The following KCNH8 variants were observed in gnomAD, a reference collection of about 807,000 sequenced individuals.
KCNH8 encodes the protein voltage-gated delayed rectifier potassium channel KCNH8.
KCNH8 carries 70 observed loss-of-function variants against 103.6 expected under a neutral mutation model. The ratio of observed to expected loss-of-function variants is 0.68; its 90% CI spans 0.56 to 0.82. The LOEUF is 0.82. Ranked by LOEUF, KCNH8 falls within the 40% of genes least tolerant of loss-of-function variation. The probability of loss-of-function intolerance (pLI) is 0.00; values close to 1 mark genes in which losing one functional copy is unlikely to be tolerated. For synonymous variants in KCNH8, 498 were observed against 489.4 expected, an observed-to-expected ratio of 1.02 and a Z score of -0.23; for missense variants, 1,217 against 1,329.9, an observed-to-expected ratio of 0.92 and a Z score of 1.32.
Position 19,515,738 on chromosome 3 carries a change from T to C in KCNH8, c.2542+310T>C, listed in dbSNP as rs143995901. ...CATGTTTTACTATTATAAATTTAGATTAATCCATAAAAACATTATCTAGAG... is the reference window on the plus strand; with the variant it reads ...CATGTTTTACTATTATAAATTTAGACTAATCCATAAAAACATTATCTAGAG... On this transcript the variant is annotated intron_variant, in intron 14 of 15. Coordinates refer to ENST00000328405, the MANE Select transcript of KCNH8 (RefSeq NM_144633.3). Among the ~76,000 whole-genome samples, 780 of 152,156 alleles carry C rather than the reference T, an allele frequency of 5.1e-3. 5 individuals are homozygous for C. Among genetic ancestry groups the C allele is most frequent in the African/African-American group, 0.018 (729 of 41,538 alleles).
intron 7 of KCNH8, among the ~76,000 whole-genome samples, chr3:19,434,866 A>C (rs1216191194): frequency 3.9e-5 from 6 of 152,084 alleles, no homozygotes; most frequent in Admixed American, 3.3e-4. Flanking sequence ...TTTCCCACTA[A>C]AGTGGGAAGT....
chr3:19,288,181 C>CTTTTTTTTTTTCTT (rs2064861256), intron 3 of KCNH8, among the ~76,000 whole-genome samples: 6 of 38,176 alleles, frequency 1.6e-4, no homozygotes, highest in African/African-American at 5.8e-4. Context: ...TATCAAACTT[C>CTTTTTTTTTTTCTT]TTTTTTTTTT....
intron 2 of KCNH8, among the ~76,000 whole-genome samples, chr3:19,269,022 G>C (rs573903583): frequency 3.3e-5 from 5 of 152,242 alleles, no homozygotes; most frequent in East Asian, 1.9e-4. Flanking sequence ...ACTTCGTTGT[G>C]TGTATAGATA....
At position 19,422,781 on chromosome 3, in the gene KCNH8, C is replaced by T. The variant is rs142442472; in HGVS notation, c.1178-15383C>T. On this transcript the variant is annotated intron_variant, in intron 7 of 15. Coordinates refer to ENST00000328405, the MANE Select transcript of KCNH8 (RefSeq NM_144633.3). Reference sequence around the variant, plus strand: ...ATAATCCCTATGTTCACAAAGCAGTCGGCCTAGTATTACCTATAGGCAGAT... The same window carrying T: ...ATAATCCCTATGTTCACAAAGCAGTTGGCCTAGTATTACCTATAGGCAGAT... Among the ~76,000 whole-genome samples the T allele has an allele frequency of 8.5e-5, 13 of 152,146 alleles. No homozygotes were observed. The East Asian group carries it at 1.3e-3, about 16-fold the overall frequency.
chr3:19,511,048 G>A (rs2125241244), intron 12 of KCNH8, among the ~76,000 whole-genome samples: 1 of 152,248 alleles, frequency 6.6e-6, no homozygotes, highest in Admixed American at 6.5e-5. Context: ...AGAATGTTCA[G>A]TTTTGTTACA....
chr3:19,423,652 G>A (rs2066983793), intron 7 of KCNH8, among the ~76,000 whole-genome samples: 1 of 151,800 alleles, frequency 6.6e-6, no homozygotes, highest in African/African-American at 2.4e-5. Context: ...GTGTGTGTGT[G>A]TGTGTCACAT....
intron 1 of KCNH8, among the ~76,000 whole-genome samples, chr3:19,226,643 A>ACACACACACACACACACC (rs2063935803): frequency 6.6e-6 from 1 of 151,318 alleles, no homozygotes; most frequent in African/African-American, 2.4e-5. Context: ...ACACACACAC[A>ACACACACACACACACACC]CGGGAAAATT....
chr3:19,479,423 A>G (rs1214401073), intron 11 of KCNH8, among the ~76,000 whole-genome samples: 1 of 152,210 alleles, frequency 6.6e-6, no homozygotes, highest in Non-Finnish European at 1.5e-5. Flanking sequence ...TTACACAACA[A>G]GCAAAGGAAA....
At position 19,513,333 on chromosome 3, in the gene KCNH8, TTCATA is replaced by T. The variant is rs780242180; in HGVS notation, c.2435+15_2435+19del. ...CCCAGACCTCAGTCCAAGGTAAGAGTTCATATCATATAACTTTCTCACGTGAACGT... is the reference window on the plus strand; with the variant it reads ...CCCAGACCTCAGTCCAAGGTAAGAGTTCATATAACTTTCTCACGTGAACGT... On this transcript the variant is annotated intron_variant, in intron 13 of 15. Transcript: ENST00000328405. The T allele has an allele frequency of 7.0e-6, 11 of 1,572,622 alleles. No homozygotes were observed. Among genetic ancestry groups the T allele is most frequent in the South Asian group, 3.6e-5 (3 of 83,438 alleles).
rs540752455 is a variant in KCNH8 at position 19,503,923 on chromosome 3, T to TATA, written c.2041-6420_2041-6418dup. On this transcript the variant is annotated intron_variant, in intron 11 of 15. Coordinates refer to ENST00000328405, the MANE Select transcript of KCNH8 (RefSeq NM_144633.3). The stretch of plus-strand genomic sequence containing the variant: ...TGCACAGGTACCCTAAAACTTAAAG[T>TATA]ATAATAATAATAATAATAATAAAGA... Among the ~76,000 whole-genome samples, 561 of 150,778 alleles carry TATA rather than the reference T, an allele frequency of 3.7e-3. 5 individuals carry two copies. The highest frequency in any genetic ancestry group is 0.01 in the African/African-American group (412 of 41,182).
chr3:19,399,736 T>C (rs1341211959), intron 7 of KCNH8, among the ~76,000 whole-genome samples: 1 of 151,986 alleles, frequency 6.6e-6, no homozygotes, highest in African/African-American at 2.4e-5. Context: ...TCCAGCCACC[T>C]GTTCAAACTT....
intron 5 of KCNH8, among the ~76,000 whole-genome samples, chr3:19,358,679 A>T (rs1006248778): frequency 2.6e-5 from 4 of 152,008 alleles, no homozygotes; most frequent in Non-Finnish European, 5.9e-5. Context: ...AAGGTGTTTT[A>T]TGTTTTTTAA....
At chr3:19,480,217 T>G (rs368161644) in intron 11 of KCNH8, among the ~76,000 whole-genome samples, 60 of 152,334 alleles carry the variant, frequency 3.9e-4, no homozygotes, top group African/African-American at 1.4e-3. Context: ...CTGCGATGTT[T>G]GCTTCTTTCC....
intron 2 of KCNH8, among the ~76,000 whole-genome samples, chr3:19,258,947 C>CTCTCTCTCTATATATATA (rs1321918245): frequency 3.6e-4 from 9 of 24,802 alleles, no homozygotes; most frequent in Non-Finnish European, 6.4e-4. Context: ...CTCTCTCTCT[C>CTCTCTCTCTATATATATA]TATATATATA....
intron 1 of KCNH8, among the ~76,000 whole-genome samples, chr3:19,204,422 AAG>A (rs57494828): frequency 0.043 from 6,291 of 147,940 alleles, 439 homozygotes; most frequent in African/African-American, 0.14. Context: ...GGAGTGGGGG[AAG>A]AGAGAGAGAG....
intron 3 of KCNH8, among the ~76,000 whole-genome samples, chr3:19,284,153 C>A (rs922238968): frequency 3.3e-5 from 5 of 151,752 alleles, no homozygotes; most frequent in Admixed American, 1.3e-4. Flanking sequence ...TTAAAAAAAA[C>A]TAAATGAGTG....
intron 1 of KCNH8, among the ~76,000 whole-genome samples, chr3:19,156,838 G>A (rs911614636): frequency 6.6e-6 from 1 of 151,886 alleles, no homozygotes; most frequent in African/African-American, 2.4e-5. Context: ...GCTTTTATTG[G>A]GAGGAATATA....
chr3:19,470,813 A>T (rs2067840220), intron 11 of KCNH8, among the ~76,000 whole-genome samples: 1 of 152,188 alleles, frequency 6.6e-6, no homozygotes, highest in Non-Finnish European at 1.5e-5. Flanking sequence ...ATCATATCTC[A>T]GCAACATTTT....
chr3:19,400,846 C>G (rs2066602588), intron 7 of KCNH8, among the ~76,000 whole-genome samples: 1 of 151,870 alleles, frequency 6.6e-6, no homozygotes, highest in African/African-American at 2.4e-5. Flanking sequence ...ATGTTGTAGG[C>G]TGATTACTTC....
Sources: gnomAD v4.1 joint callset for allele counts (sites outside exome capture counted in the v4.1 genomes callset) on GRCh38, gnomAD v4.1.1 for gene constraint, MANE v1.5 for transcripts, NCBI Gene and HGNC (gene_info 2026-07-23, HGNC 2026-07-21) for gene names.